PRXL2B: variants seen among roughly 807,000 people sequenced by gnomAD.
PRXL2B encodes the protein prostamide/prostaglandin F synthase.
In PRXL2B, 26 loss-of-function variants were observed where a neutral mutation model predicts 24.4. The ratio of observed to expected loss-of-function variants is 1.07; its 90% confidence interval spans 0.78 to 1.48. The LOEUF (loss-of-function observed/expected upper bound fraction) is 1.48, where lower values mean the gene tolerates loss of function less well. PRXL2B is among the 40% of genes most tolerant of loss of function. PRXL2B has a pLI of 0.00. For missense variants in PRXL2B, 269 were observed against 264.8 expected (o/e 1.02, Z -0.11); for synonymous variants, 115 against 118.9 (o/e 0.97, Z 0.21).
chr1:2,588,830 G>T, intron 5 of PRXL2B, 92 bp from the exon 6 acceptor site: 2 of 1,350,100 alleles, frequency 1.5e-6, no homozygotes, highest in Non-Finnish European at 2.1e-6. Flanking sequence ...GATATGGCTG[G>T]CCAGGGCTGC....
rs973445733 is a variant in PRXL2B at position 2,587,427 on chromosome 1, C to T, written c.268+132C>T. ...TTGATATGCCCACGGGTCAGCGTCC[C>T]TCATCTCTCCCTGCCTCCCCGCCCC... On this transcript the variant is annotated intron_variant, in intron 2 of 6. Coordinates refer to ENST00000419916, the MANE Select transcript of PRXL2B (RefSeq NM_152371.5). The surrounding 1 kb of genome is among the most constrained non-coding windows in gnomAD (Gnocchi z 6.1). 6 of 1,078,334 alleles carry T rather than the reference C, an allele frequency of 5.6e-6. No homozygotes were observed. In the African/African-American group the frequency reaches 7.9e-5, roughly 14 times the overall value. The allele number at this position is 1,078,334 out of a possible 1,614,324, so 66.8% of individuals were successfully genotyped here.
In PRXL2B at chr1:2,588,644, C is replaced by T. The variant is rs760882321; in HGVS notation, c.460+19C>T. On this transcript the variant is annotated intron_variant, in intron 5 of 6. Coordinates refer to ENST00000419916, the MANE Select transcript of PRXL2B (RefSeq NM_152371.5). The stretch of plus-strand genomic sequence containing the variant: ...AGCAAAGGTGGGTCGAGGGAGGGGC[C>T]TCGGCCACTGCCTCAAGGAGGGCCT... The T allele has an allele frequency of 6.2e-7, 1 of 1,611,252 alleles. No homozygotes were observed.
At position 2,587,743 on chromosome 1, in the gene PRXL2B, C is replaced by G. The variant is rs1300456302; in HGVS notation, c.271C>G (p.Leu91Val). 1 of 1,602,808 alleles carries G rather than the reference C, an allele frequency of 6.2e-7. No homozygotes were observed. The highest frequency in any genetic ancestry group is 1.3e-5 in the African/African-American group (1 of 74,852). ...CACATGTGGCTTCCGCTTTCCAGAG[C>G]TCTACCTGGATGAGAGCAAGCAGCT... Reference protein sequence around the residue: ...FLDGDYFAGELYLDESKQLYK... With the variant: ...FLDGDYFAGEVYLDESKQLYK... Residue 91 changes from leucine to valine, a missense_variant and splice_region_variant, in exon 3 of 7, where the codon CTC becomes GTC. By Grantham distance (32) the Leu-to-Val change is conservative. Coordinates refer to ENST00000419916, the MANE Select transcript of PRXL2B (RefSeq NM_152371.5). The surrounding 1 kb of genome is among the most constrained non-coding windows in gnomAD (Gnocchi z 6.1).
Position 2,590,931 on chromosome 1 carries a change from C to A in PRXL2B, c.*1504C>A. The A allele has an allele frequency of 7.5e-7, 1 of 1,337,150 alleles. No homozygotes were observed. The highest frequency in any genetic ancestry group is 9.9e-7 in the Non-Finnish European group (1 of 1,013,818). 82.8% of individuals were successfully genotyped at this position (1,337,150 alleles called of 1,614,324 possible). ...ACTGGGTCGCCGCTAGCTGCACCTT[C>A]GCACAGATGCCTCCGAGCAGCGGGT... On this transcript the variant is annotated 3_prime_UTR_variant, in exon 7 of 7. Coordinates refer to ENST00000419916, the MANE Select transcript of PRXL2B (RefSeq NM_152371.5).
intron 5 of PRXL2B, 72 bp downstream of exon 5, chr1:2,588,697 CCT>C (rs1165329102): frequency 2.6e-5 from 40 of 1,521,196 alleles, no homozygotes; most frequent in Non-Finnish European, 3.5e-5. Flanking sequence ...CAGCCCAGGC[CCT>C]CTCTCTGGCT....
chr1:2,588,843 T>C (rs1292614481), intron 5 of PRXL2B, 79 bp from the exon 6 acceptor site: 2 of 1,436,280 alleles, frequency 1.4e-6, no homozygotes, highest in East Asian at 2.3e-5. Context: ...AGGGCTGCCC[T>C]ACCCTCCCTC....
chr1:2,589,914 T>G lies in PRXL2B; in HGVS notation c.*487T>G. 6.0e-6 allele frequency: 1 copy of G among 166,546 alleles called. No homozygotes were observed. The highest frequency in any genetic ancestry group is 1.3e-5 in the Non-Finnish European group (1 of 77,562). 10.3% of individuals were successfully genotyped at this position (166,546 alleles called of 1,614,324 possible). ...GTTTTCAGGGCAGAGATGGGCTTGATTCCACCTGGTGGGGTGGGTGGACCC... is the reference window on the plus strand; with the variant it reads ...GTTTTCAGGGCAGAGATGGGCTTGAGTCCACCTGGTGGGGTGGGTGGACCC... On this transcript the variant is annotated 3_prime_UTR_variant, in exon 7 of 7. Coordinates refer to ENST00000419916, the MANE Select transcript of PRXL2B (RefSeq NM_152371.5).
At position 2,588,611 on chromosome 1, in the gene PRXL2B, T is replaced by G; in HGVS notation, c.446T>G (p.Leu149Arg). 6.2e-7 allele frequency: 1 copy of G among 1,614,008 alleles called. No homozygotes were observed. The highest frequency in any genetic ancestry group is 1.1e-5 in the South Asian group (1 of 91,090). ...SGDLLQSGGLLVVSKGGDKVL... is the reference protein window; with the variant it reads ...SGDLLQSGGLRVVSKGGDKVL... ...GACCTGCTGCAGAGCGGAGGGCTGC[T>G]GGTGGTCAGCAAAGGTGGGTCGAGG... The change falls in exon 5 of 7, where the codon CTG becomes CGG. Residue 149 changes from leucine (L) to arginine (R), a missense_variant. By Grantham distance (102) the Leu-to-Arg change is moderately radical (BLOSUM62 -2). Transcript: ENST00000419916.
At position 2,587,991 on chromosome 1, in the gene PRXL2B, C is replaced by CGGA. The variant is rs1459011625; in HGVS notation, c.320+199_320+200insGGA. Among the ~76,000 whole-genome samples the CGGA allele has an allele frequency of 6.6e-6, 1 of 152,096 alleles. No individual in the cohort carries two copies. The highest frequency in any genetic ancestry group is 2.4e-5 in the African/African-American group (1 of 41,410). On this transcript the variant is annotated intron_variant, in intron 3 of 6. Transcript: ENST00000419916. This position sits in a 1 kb window ranked among gnomAD's most constrained non-coding sequence, Gnocchi z 6.1. ...GGTGCTGGGTGACTGTAATGAGCCA[C>CGGA]CTCGTCCGGGGCTTACTCTCGGTGT...
intron 3 of PRXL2B, 89 bp from the exon 4 acceptor site, chr1:2,588,300 CT>C (rs773336575): frequency 1.3e-6 from 2 of 1,568,904 alleles, no homozygotes; most frequent in South Asian, 2.3e-5. Context: ...GGGGTGGGGC[CT>C]GACCTAGGAA....
chr1:2,587,426 C>T lies in PRXL2B; in HGVS notation c.268+131C>T. ...CTTGATATGCCCACGGGTCAGCGTCCCTCATCTCTCCCTGCCTCCCCGCCC... is the reference window on the plus strand; with the variant it reads ...CTTGATATGCCCACGGGTCAGCGTCTCTCATCTCTCCCTGCCTCCCCGCCC... On this transcript the variant is annotated intron_variant, in intron 2 of 6. Transcript: ENST00000419916. The surrounding 1 kb of genome is among the most constrained non-coding windows in gnomAD (Gnocchi z 6.1). The T allele has an allele frequency of 9.3e-7, 1 of 1,076,662 alleles. No individual in the cohort carries two copies. Among genetic ancestry groups the T allele is most frequent in the South Asian group, 1.4e-5 (1 of 71,000 alleles). 66.7% of individuals were successfully genotyped at this position (1,076,662 alleles called of 1,614,324 possible). A position where few individuals can be genotyped will look rare whatever the true frequency, so the allele number is the denominator to read the frequency against.
In PRXL2B at chr1:2,591,086, T is replaced by C; in HGVS notation, c.*1659T>C. On this transcript the variant is annotated 3_prime_UTR_variant, in exon 7 of 7. Coordinates refer to ENST00000419916, the MANE Select transcript of PRXL2B (RefSeq NM_152371.5). Reference sequence around the variant, plus strand: ...CGGCCAGGTTCTGCAGCGACCCCAGTACCCTGTGGGTGGGTGGGTGTGACA... The same window carrying C: ...CGGCCAGGTTCTGCAGCGACCCCAGCACCCTGTGGGTGGGTGGGTGTGACA... The C allele has an allele frequency of 6.3e-7, 1 of 1,584,080 alleles. No homozygotes were observed. The highest frequency in any genetic ancestry group is 1.2e-5 in the South Asian group (1 of 86,254).
chr1:2,586,727 G>A (rs1644523075), upstream of PRXL2B: 1 of 1,240,566 alleles, frequency 8.1e-7, no homozygotes, highest in Non-Finnish European at 1.0e-6. Context: ...AGCCCGAAGG[G>A]GCGGGGCCTC....
Position 2,587,926 on chromosome 1 carries a change from G to A in PRXL2B, c.320+134G>A. The A allele has an allele frequency of 9.9e-7, 1 of 1,009,658 alleles. No homozygotes were observed. Among genetic ancestry groups the A allele is most frequent in the Admixed American group, 2.5e-5 (1 of 39,552 alleles). The allele number at this position is 1,009,658 out of a possible 1,614,324, so 62.5% of individuals were successfully genotyped here. A position where few individuals can be genotyped will look rare whatever the true frequency, so the allele number is the denominator to read the frequency against. On this transcript the variant is annotated intron_variant, in intron 3 of 6. Transcript: ENST00000419916. This position sits in a 1 kb window ranked among gnomAD's most constrained non-coding sequence, Gnocchi z 6.1. Reference sequence around the variant, plus strand: ...GGCCTTCCTGGGCAAGGCGGCTCTGGTGGCACTGTTGACCAGCCCTTCTGC... The same window carrying A: ...GGCCTTCCTGGGCAAGGCGGCTCTGATGGCACTGTTGACCAGCCCTTCTGC...
In PRXL2B at chr1:2,586,829, C is replaced by T. The variant is rs1644527415; in HGVS notation, c.-57C>T. ...GGAGCGGGGATCCAGGAGCGAGGAGCCGGGAGCGGGGAACAGGGAGTCGGG... is the reference window on the plus strand; with the variant it reads ...GGAGCGGGGATCCAGGAGCGAGGAGTCGGGAGCGGGGAACAGGGAGTCGGG... On this transcript the variant is annotated 5_prime_UTR_variant, in exon 1 of 7. Transcript: ENST00000419916. The T allele has an allele frequency of 7.9e-7, 1 of 1,273,058 alleles. No individual in the cohort carries two copies. The highest frequency in any genetic ancestry group is 3.2e-5 in the South Asian group (1 of 30,926). The allele number at this position is 1,273,058 out of a possible 1,614,324, so 78.9% of individuals were successfully genotyped here. A position where few individuals can be genotyped will look rare whatever the true frequency, so the allele number is the denominator to read the frequency against.
chr1:2,591,095 G>C lies in PRXL2B; in HGVS notation c.*1668G>C. 1 of 1,552,786 alleles carries C rather than the reference G, an allele frequency of 6.4e-7. No homozygotes were observed. Reference sequence around the variant, plus strand: ...TCTGCAGCGACCCCAGTACCCTGTGGGTGGGTGGGTGTGACAGCAGGAGCA... The same window carrying C: ...TCTGCAGCGACCCCAGTACCCTGTGCGTGGGTGGGTGTGACAGCAGGAGCA... On this transcript the variant is annotated 3_prime_UTR_variant, in exon 7 of 7. Coordinates refer to ENST00000419916, the MANE Select transcript of PRXL2B (RefSeq NM_152371.5).
chr1:2,588,462 G>A lies in PRXL2B; in HGVS notation c.384+9G>A, dbSNP rs776594550. 2.0e-5 allele frequency: 32 copies of A among 1,613,802 alleles called. No homozygotes were observed. The highest frequency in any genetic ancestry group is 1.6e-4 in the Middle Eastern group (1 of 6,084). ...GTGATGTGGCTGCCAAGGTGTGTGC[G>A]GGTCAAGGGTGTACAGGCCGGGGGG... On this transcript the variant is annotated intron_variant, in intron 4 of 6. Transcript: ENST00000419916.
chr1:2,588,825 G>A, intron 5 of PRXL2B, 97 bp from the exon 6 acceptor site: 1 of 1,312,712 alleles, frequency 7.6e-7, no homozygotes, highest in East Asian at 2.3e-5. Flanking sequence ...TGGGGGATAT[G>A]GCTGGCCAGG....
intron 3 of PRXL2B, among the ~76,000 whole-genome samples, chr1:2,588,160 A>C (rs114054393): frequency 6.6e-6 from 1 of 151,618 alleles, no homozygotes; most frequent in Admixed American, 6.6e-5. Flanking sequence ...GGCCCCATCC[A>C]TGCTCCCTGC....
Sources: gnomAD v4.1 joint callset for allele counts (sites outside exome capture counted in the v4.1 genomes callset) on GRCh38, gnomAD v4.1.1 for gene constraint, Gnocchi (gnomAD v3.1) non-coding constraint, MANE v1.5 for transcripts, NCBI Gene and HGNC (gene_info 2026-07-23, HGNC 2026-07-21) for gene names.